ZNF138: variants seen among roughly 807,000 people sequenced by gnomAD.
The protein encoded by ZNF138 is zinc finger protein 138, also known as zinc finger protein 138 (clone pHZ-32).
A neutral mutation model predicts 33.0 loss-of-function variants in ZNF138; 33 were observed. The ratio of observed to expected loss-of-function variants is 1.00; its 90% confidence interval spans 0.76 to 1.34. The LOEUF is 1.34. Among genes scored for constraint, ZNF138 ranks in the 40% most tolerant of loss-of-function variants. The pLI, the probability that ZNF138 is intolerant of heterozygous loss-of-function variation, is 0.00. For missense variants in ZNF138, 360 were observed against 370.8 expected, an observed-to-expected ratio of 0.97 and a Z score of 0.24; for synonymous variants, 139 against 120.4, an observed-to-expected ratio of 1.15 and a Z score of -1.01.
intron 3 of ZNF138, among the ~76,000 whole-genome samples, chr7:64,827,107 T>C (rs935011021): frequency 2.2e-5 from 2 of 88,902 alleles, no homozygotes; most frequent in African/African-American, 1.1e-4. Flanking sequence ...GGACTCATTT[T>C]AGCATTTTTT....
chr7:64,815,695 A>G (rs1788569065), intron 3 of ZNF138, 42 bp downstream of exon 3: 3 of 1,568,452 alleles, frequency 1.9e-6, no homozygotes, highest in Admixed American at 1.8e-5. Flanking sequence ...ATGAGAGGTC[A>G]AAGGCCAAGG....
intron 3 of ZNF138, among the ~76,000 whole-genome samples, chr7:64,821,546 T>A (rs1379001556): frequency 6.6e-6 from 1 of 151,678 alleles, no homozygotes. Context: ...CTTTATATTC[T>A]TTTTGTTTGT....
At chr7:64,794,985 T>G (rs1264922318) in intron 1 of ZNF138, among the ~76,000 whole-genome samples, 1 of 152,174 alleles carries the variant, frequency 6.6e-6, no homozygotes, top group Non-Finnish European at 1.5e-5. Context: ...AAAATTAATT[T>G]AATCAAACAG....
chr7:64,813,655 C>T (rs757194049), intron 1 of ZNF138, among the ~76,000 whole-genome samples: 9 of 151,726 alleles, frequency 5.9e-5, no homozygotes, highest in East Asian at 3.9e-4. Context: ...AGGATGGTGT[C>T]GATCTCCTGA....
the ZNF138 span, among the ~76,000 whole-genome samples, chr7:64,850,829 CT>C: frequency 1.3e-5 from 2 of 152,276 alleles, no homozygotes; most frequent in Non-Finnish European, 2.9e-5. Context: ...TTTATTGATT[CT>C]TTTAGATCAT....
At chr7:64,809,824 G>A (rs368701456) in intron 1 of ZNF138, among the ~76,000 whole-genome samples, 5,082 of 123,694 alleles carry the variant, frequency 0.041, 125 homozygotes, top group East Asian at 0.12. Context: ...CAGACGGGGC[G>A]GCGGGGCAGA....
chr7:64,808,468 A>G (rs1033669005), intron 1 of ZNF138, among the ~76,000 whole-genome samples: 5 of 152,080 alleles, frequency 3.3e-5, no homozygotes, highest in African/African-American at 7.3e-5. Context: ...TGGCATAATA[A>G]ATAGATGTGG....
chr7:64,838,697 G>A, the ZNF138 span, among the ~76,000 whole-genome samples: 6 of 152,256 alleles, frequency 3.9e-5, no homozygotes, highest in East Asian at 9.6e-4. Flanking sequence ...TGCCCGCAGC[G>A]AATGTGTTAG....
At chr7:64,801,745 G>A (rs1668925983) in intron 1 of ZNF138, among the ~76,000 whole-genome samples, 1 of 152,118 alleles carries the variant, frequency 6.6e-6, no homozygotes, top group Admixed American at 6.5e-5. Flanking sequence ...AATAGTGTCT[G>A]TGGGGTGTTG....
intron 1 of ZNF138, 143 bp from the exon 2 acceptor site, chr7:64,814,773 AAT>A: frequency 5.5e-6 from 6 of 1,085,168 alleles, no homozygotes; most frequent in Non-Finnish European, 7.6e-6. Flanking sequence ...AAAAAAAAAA[AAT>A]TATTTTATGA....
At chr7:64,853,500 T>C in the ZNF138 span, 5 of 468,194 alleles carry the variant, frequency 1.1e-5, no homozygotes, top group Admixed American at 3.8e-5. Context: ...TTTGTCTTTC[T>C]ATGTCAGGAT....
At chr7:64,844,974 C>T in the ZNF138 span, among the ~76,000 whole-genome samples, 1 of 152,156 alleles carries the variant, frequency 6.6e-6, no homozygotes, top group Non-Finnish European at 1.5e-5. Flanking sequence ...CGTGAGCCAC[C>T]GTGCCTGGCT....
intron 3 of ZNF138, among the ~76,000 whole-genome samples, chr7:64,828,590 T>A (rs930296755): frequency 1.6e-4 from 25 of 152,268 alleles, no homozygotes; most frequent in African/African-American, 5.8e-4. Context: ...CTATTGGCTT[T>A]CACTAACAAT....
At chr7:64,842,064 A>G in the ZNF138 span, among the ~76,000 whole-genome samples, 2 of 152,102 alleles carry the variant, frequency 1.3e-5, no homozygotes, top group South Asian at 4.1e-4. Flanking sequence ...CACAACACAG[A>G]TTTATTTATT....
At chr7:64,805,670 G>A (rs979385123) in intron 1 of ZNF138, among the ~76,000 whole-genome samples, 2 of 152,226 alleles carry the variant, frequency 1.3e-5, no homozygotes. Context: ...CAGGAGTGCT[G>A]TAGCCCAGTG....
intron 1 of ZNF138, 76 bp from the exon 2 acceptor site, chr7:64,814,842 C>T (rs1788476683): frequency 6.3e-7 from 1 of 1,576,400 alleles, no homozygotes; most frequent in Non-Finnish European, 8.7e-7. Context: ...CTTATTTTAC[C>T]TTGAGTCAAA....
chr7:64,800,018 A>G (rs1430072875), intron 1 of ZNF138, among the ~76,000 whole-genome samples: 5 of 152,148 alleles, frequency 3.3e-5, no homozygotes, highest in African/African-American at 1.2e-4. Flanking sequence ...TAATTTTTGT[A>G]CATTTATTTT....
At chr7:64,852,055 A>T in the ZNF138 span, among the ~76,000 whole-genome samples, 1 of 152,242 alleles carries the variant, frequency 6.6e-6, no homozygotes, top group Non-Finnish European at 1.5e-5. Flanking sequence ...GCTCTTTGAC[A>T]TGACTACGAT....
At chr7:64,808,152 T>C (rs1198966742) in intron 1 of ZNF138, among the ~76,000 whole-genome samples, 2 of 152,198 alleles carry the variant, frequency 1.3e-5, no homozygotes, top group African/African-American at 2.4e-5. Flanking sequence ...GGATGAACTG[T>C]GTCAGGCTGA....
Sources: allele counts gnomAD v4.1 joint callset (sites outside exome capture counted in the v4.1 genomes callset), GRCh38; gene constraint gnomAD v4.1.1; transcripts MANE v1.5; gene names NCBI Gene and HGNC (gene_info 2026-07-23, HGNC 2026-07-21).